Variants in PRSS55 observed in about 807,000 individuals in gnomAD.
PRSS55 encodes the protein serine protease 55.
PRSS55 carries 41 observed loss-of-function variants against 23.6 expected under a neutral mutation model. The ratio of observed to expected loss-of-function variants is 1.74; its 90% CI spans 1.35 to 2.26. PRSS55 has a LOEUF of 2.26. Among genes scored for constraint, PRSS55 ranks in the 30% most tolerant of loss-of-function variants. The probability of loss-of-function intolerance (pLI) is 0.00; values close to 1 mark genes in which losing one functional copy is unlikely to be tolerated. For missense variants in PRSS55, 669 were observed against 439.1 expected (o/e 1.52, Z -4.68); for synonymous variants, 262 against 175.5 (o/e 1.49, Z -3.90).
intron 4 of PRSS55, among the ~76,000 whole-genome samples, chr8:10,548,635 C>T (rs977636438): frequency 2.6e-5 from 4 of 152,132 alleles, no homozygotes; most frequent in Admixed American, 1.3e-4. Flanking sequence ...TTCCCCCTGC[C>T]TGCAAGTCTC....
At chr8:10,536,920 C>A (rs1332582644) in intron 4 of PRSS55, among the ~76,000 whole-genome samples, 1 of 152,232 alleles carries the variant, frequency 6.6e-6, no homozygotes, top group Non-Finnish European at 1.5e-5. Context: ...CCATCAGATA[C>A]TCTGCTTACT....
intron 4 of PRSS55, among the ~76,000 whole-genome samples, chr8:10,550,674 T>C (rs1812932505): frequency 6.6e-6 from 1 of 152,170 alleles, no homozygotes; most frequent in African/African-American, 2.4e-5. Flanking sequence ...CCCGAGACAA[T>C]GCTTGATGAT....
At chr8:10,552,719 C>A (rs1028124906) in intron 4 of PRSS55, among the ~76,000 whole-genome samples, 6 of 152,192 alleles carry the variant, frequency 3.9e-5, no homozygotes, top group African/African-American at 1.2e-4. Context: ...CACAAAGACA[C>A]ATGACCTCAC....
At chr8:10,539,779 AT>A (rs1187141830), downstream of PRSS55, among the ~76,000 whole-genome samples, 12 of 152,354 alleles carry the variant, frequency 7.9e-5, no homozygotes, top group African/African-American at 2.9e-4. Flanking sequence ...CTCCAGCTAC[AT>A]GGAACTGTGA....
At chr8:10,553,968 G>C (rs1437500540) in exon 5 of PRSS55, 1 of 1,527,498 alleles carries the variant, frequency 6.5e-7, no homozygotes, top group African/African-American at 1.4e-5. Context: ...ACTTTACAAA[G>C]AATGAACACC....
At chr8:10,529,797 C>A in intron 2 of PRSS55, 98 bp downstream of exon 2, 1 of 1,202,822 alleles carries the variant, frequency 8.3e-7, no homozygotes, top group Non-Finnish European at 1.2e-6. Context: ...GAACCTGCGA[C>A]TGCTCGGTAT....
intron 4 of PRSS55, among the ~76,000 whole-genome samples, chr8:10,549,844 G>C (rs772936880): frequency 2.7e-4 from 41 of 152,218 alleles, no homozygotes; most frequent in Admixed American, 1.3e-4. Flanking sequence ...GTAAGGCCCT[G>C]TTCCCGGCCT....
intron 4 of PRSS55, among the ~76,000 whole-genome samples, chr8:10,545,439 A>G (rs1301183605): frequency 2.0e-5 from 3 of 152,094 alleles, no homozygotes; most frequent in African/African-American, 7.2e-5. Context: ...CAACCACATA[A>G]CCCACTTAAC....
At position 10,538,756 on chromosome 8, in the gene PRSS55, C is replaced by T. The variant is rs537414284; in HGVS notation, c.1022C>T (p.Pro341Leu). The T allele has an allele frequency of 2.6e-5, 41 of 1,604,488 alleles. No homozygotes were observed. In the African/African-American group the frequency reaches 3.0e-4, roughly 12 times the overall value. The change falls in exon 5 of 5, where the codon CCC becomes CTC. Residue 341 changes from proline to leucine, a missense_variant. Physicochemically the swap from Pro to Leu is moderately conservative, Grantham distance 98. Transcript: ENST00000328655. ...CCCAGATCCTGGCTCCTGCTCTGTC[C>T]CCTGTCCCATGTGTTGTTCAGAGCT... ...GSPRSWLLLC[P>L]LSHVLFRAIL...
Position 10,525,570 on chromosome 8 carries a change from A to C in PRSS55, c.-16A>C. 6.2e-7 allele frequency: 1 copy of C among 1,608,200 alleles called. No homozygotes were observed. On this transcript the variant is annotated 5_prime_UTR_variant, in exon 1 of 5. Coordinates refer to ENST00000328655, the MANE Select transcript of PRSS55 (RefSeq NM_198464.4). ...TGGCCTCTGTCACCCCCGGGCCCAC[A>C]GCACAGCCCAGGGCCATGCTCCTGT...
intron 4 of PRSS55, among the ~76,000 whole-genome samples, chr8:10,535,527 G>T (rs1311274053): frequency 6.6e-6 from 1 of 152,220 alleles, no homozygotes; most frequent in Non-Finnish European, 1.5e-5. Context: ...GCAGAAGATT[G>T]AAACTGGACC....
At chr8:10,541,168 G>A (rs184426489), downstream of PRSS55, 17 of 152,388 alleles carry the variant, frequency 1.1e-4, no homozygotes, top group African/African-American at 3.1e-4. Flanking sequence ...GACTCTCCTG[G>A]GACTCCCAAC....
chr8:10,545,459 C>T (rs1812792867), intron 4 of PRSS55, among the ~76,000 whole-genome samples: 1 of 152,158 alleles, frequency 6.6e-6, no homozygotes, highest in African/African-American at 2.4e-5. Flanking sequence ...CTTTAAGTTG[C>T]TGTAAAGGTT....
intron 4 of PRSS55, chr8:10,544,901 G>A (rs1047819582): frequency 3.9e-5 from 21 of 543,722 alleles, no homozygotes; most frequent in Non-Finnish European, 4.7e-5. Context: ...TTAACTTTAT[G>A]TCTCATAGAT....
At position 10,533,057 on chromosome 8, in the gene PRSS55, G is replaced by T; in HGVS notation, c.741+9G>T. The T allele has an allele frequency of 6.2e-7, 1 of 1,614,074 alleles. No homozygotes were observed. Among genetic ancestry groups the T allele is most frequent in the South Asian group, 1.1e-5 (1 of 91,070 alleles). On this transcript the variant is annotated intron_variant, in intron 4 of 4. Coordinates refer to ENST00000328655, the MANE Select transcript of PRSS55 (RefSeq NM_198464.4). ...GCTATGATGCCTGCAAGGTAACTAG[G>T]GGGTACCCTCCCTCACCTTATAGGT...
intron 4 of PRSS55, among the ~76,000 whole-genome samples, chr8:10,533,574 T>C (rs1030246205): frequency 1.3e-5 from 2 of 152,122 alleles, no homozygotes; most frequent in Non-Finnish European, 2.9e-5. Flanking sequence ...TTTAATAAAA[T>C]GAATACACGT....
downstream of PRSS55, among the ~76,000 whole-genome samples, chr8:10,538,983 A>G (rs1170186626): frequency 1.3e-5 from 2 of 151,836 alleles, no homozygotes; most frequent in Non-Finnish European, 2.9e-5. Context: ...GACTTTTTCC[A>G]TTCTAGGTGA....
intron 3 of PRSS55, 145 bp downstream of exon 3, chr8:10,531,690 C>G (rs1812273257): frequency 9.0e-6 from 11 of 1,222,138 alleles, no homozygotes; most frequent in Non-Finnish European, 1.1e-5. Context: ...AGTTTAGCTC[C>G]TTTTGGGTGC....
rs1585873886 is a variant in PRSS55 at position 10,532,937 on chromosome 8, G to A, written c.630G>A (p.Met210Ile). 6.2e-7 allele frequency: 1 copy of A among 1,614,188 alleles called. No homozygotes were observed. The highest frequency in any genetic ancestry group is 2.2e-5 in the East Asian group (1 of 44,880). The change falls in exon 4 of 5, where the codon ATG becomes ATA. Residue 210 changes from methionine to isoleucine, a missense_variant. Met to Ile is a conservative substitution (Grantham distance 10, BLOSUM62 1). Transcript: ENST00000328655. ...ADKNSVKTDL[M>I]KAPMVIMDWE... ...AAAACTCTGTGAAAACGGATCTGAT[G>A]AAAGCGCCAATGGTCATCATGGACT...
Sources: gnomAD v4.1 joint callset for allele counts (sites outside exome capture counted in the v4.1 genomes callset) on GRCh38, gnomAD v4.1.1 for gene constraint, MANE v1.5 for transcripts, NCBI Gene and HGNC (gene_info 2026-07-23, HGNC 2026-07-21) for gene names.